The following KLF13 variants were observed in gnomAD, a reference collection of about 807,000 sequenced individuals.
KLF13 encodes the protein Krueppel-like factor 13.
In KLF13, 8 loss-of-function variants were observed where a neutral mutation model predicts 16.7. The ratio of observed to expected loss-of-function variants is 0.48; its 90% CI spans 0.28 to 0.87. The LOEUF is 0.87. Ranked by LOEUF, KLF13 falls within the 40% of genes least tolerant of loss-of-function variation. The pLI is 0.10. For synonymous variants in KLF13, 245 were observed against 208.4 expected, an observed-to-expected ratio of 1.18 and a Z score of -1.51; for missense variants, 447 against 452.2, an observed-to-expected ratio of 0.99 and a Z score of 0.10.
Position 31,423,133 on chromosome 15 carries a change from G to GTATACGTATATATACGTATA in KLF13, n.118-12227_118-12226insTATACGTATATATACGTATA, listed in dbSNP as rs1555383336. On this transcript the variant is annotated intron_variant and non_coding_transcript_variant, in intron 1 of 1. Transcript: ENST00000558225. The stretch of plus-strand genomic sequence containing the variant: ...TATACGTATATATACGTATATATAC[G>GTATACGTATATATACGTATA]TATACGTATACGTATATATACGTAT... Among the ~76,000 whole-genome samples the GTATACGTATATATACGTATA allele has an allele frequency of 2.7e-4, 26 of 95,624 alleles. 1 individual carries two copies. The highest frequency in any genetic ancestry group is 6.5e-4 in the Admixed American group (6 of 9,222). The allele number at this position is 95,624 out of a possible 152,430, so 62.7% of individuals were successfully genotyped here.
intron 1 of KLF13, among the ~76,000 whole-genome samples, chr15:31,331,784 C>G (rs148650511): frequency 6.6e-6 from 1 of 152,236 alleles, no homozygotes; most frequent in Non-Finnish European, 1.5e-5. Context: ...CACCACCAAA[C>G]CACTGTTACC....
At chr15:31,335,421 T>TTGTGTGTGTG (rs1166932948) in intron 1 of KLF13, among the ~76,000 whole-genome samples, 21 of 108,140 alleles carry the variant, frequency 1.9e-4, no homozygotes, top group Non-Finnish European at 3.0e-4. Flanking sequence ...CTGTTGGGCA[T>TTGTGTGTGTG]TGTGTGTGTG....
intron 1 of KLF13, among the ~76,000 whole-genome samples, chr15:31,342,678 T>A (rs2039047511): frequency 6.6e-6 from 1 of 152,244 alleles, no homozygotes. Flanking sequence ...TTCATGAGCT[T>A]TGGGCCATCT....
chr15:31,407,421 G>A (rs2040142637), downstream of KLF13, among the ~76,000 whole-genome samples: 1 of 152,184 alleles, frequency 6.6e-6, no homozygotes, highest in Non-Finnish European at 1.5e-5. Context: ...AGAGAAACAA[G>A]CTCAGCAGCA....
intron 1 of KLF13, among the ~76,000 whole-genome samples, chr15:31,417,295 G>A (rs149363607): frequency 1.2e-4 from 18 of 152,130 alleles, no homozygotes; most frequent in Non-Finnish European, 2.4e-4. Flanking sequence ...AGGAGTTCAA[G>A]AACAGCCTGG....
At chr15:31,347,975 AGT>A (rs2039152004) in intron 1 of KLF13, among the ~76,000 whole-genome samples, 1 of 152,236 alleles carries the variant, frequency 6.6e-6, no homozygotes, top group Admixed American at 6.5e-5. Flanking sequence ...CTCAGGCTTC[AGT>A]GTCTCCAGCC....
intron 1 of KLF13, among the ~76,000 whole-genome samples, chr15:31,385,690 T>C (rs929223650): frequency 1.3e-5 from 2 of 152,242 alleles, no homozygotes; most frequent in African/African-American, 4.8e-5. Context: ...TTCTCACTGC[T>C]CCACCAACCT....
chr15:31,340,610 C>G (rs1024390399), intron 1 of KLF13, among the ~76,000 whole-genome samples: 1 of 152,168 alleles, frequency 6.6e-6, no homozygotes, highest in Admixed American at 6.5e-5. Context: ...AGAAAAAACT[C>G]GTGCTGGGCA....
intron 1 of KLF13, among the ~76,000 whole-genome samples, chr15:31,416,111 C>T (rs530202651): frequency 3.7e-4 from 56 of 152,136 alleles, no homozygotes; most frequent in African/African-American, 1.3e-3. Context: ...ATACAAACTA[C>T]CAAAACTGAT....
chr15:31,405,629 G>T (rs2140997120), downstream of KLF13, among the ~76,000 whole-genome samples: 1 of 152,312 alleles, frequency 6.6e-6, no homozygotes, highest in East Asian at 1.9e-4. Flanking sequence ...CGGTAGTTTG[G>T]TCTTTTTGTA....
chr15:31,393,318 G>A (rs913911003), intron 1 of KLF13: 2 of 152,460 alleles, frequency 1.3e-5, no homozygotes, highest in Non-Finnish European at 2.9e-5. Flanking sequence ...TGGAGGTGAC[G>A]GAGGTGTGCT....
chr15:31,390,706 T>C (rs911572872), upstream of KLF13, among the ~76,000 whole-genome samples: 9 of 152,204 alleles, frequency 5.9e-5, no homozygotes, highest in African/African-American at 1.9e-4. Context: ...TAATCTTGTA[T>C]TGTTAATTGC....
chr15:31,357,341 T>C (rs2039315893), intron 1 of KLF13, among the ~76,000 whole-genome samples: 1 of 152,238 alleles, frequency 6.6e-6, no homozygotes, highest in African/African-American at 2.4e-5. Context: ...TCTGGGTCTC[T>C]TGCCCACCCA....
downstream of KLF13, among the ~76,000 whole-genome samples, chr15:31,380,549 G>A (rs910755144): frequency 6.6e-6 from 1 of 152,162 alleles, no homozygotes; most frequent in African/African-American, 2.4e-5. Context: ...GTCATGTTGG[G>A]GTGTGGACTG....
At chr15:31,426,976 T>C (rs2040407948) in intron 1 of KLF13, among the ~76,000 whole-genome samples, 1 of 152,144 alleles carries the variant, frequency 6.6e-6, no homozygotes, top group Admixed American at 6.5e-5. Flanking sequence ...GCCTTTGGAG[T>C]CCAGGACTTA....
chr15:31,340,598 T>A (rs547783323), intron 1 of KLF13, among the ~76,000 whole-genome samples: 1 of 152,350 alleles, frequency 6.6e-6, no homozygotes, highest in South Asian at 2.1e-4. Context: ...TTTTAGTGTT[T>A]AAGAAAAAAC....
At chr15:31,395,071 C>G (rs1234723595) in intron 2 of KLF13, among the ~76,000 whole-genome samples, 1 of 152,178 alleles carries the variant, frequency 6.6e-6, no homozygotes, top group African/African-American at 2.4e-5. Context: ...CCTCCACCTC[C>G]TGGATTCAAG....
intron 1 of KLF13, among the ~76,000 whole-genome samples, chr15:31,427,405 C>T (rs565234104): frequency 8.7e-4 from 133 of 152,086 alleles, no homozygotes; most frequent in African/African-American, 3.1e-3. Context: ...GGAACCAGTA[C>T]GGCGATTCCT....
intron 1 of KLF13, among the ~76,000 whole-genome samples, chr15:31,371,535 G>A (rs148765575): frequency 4.7e-4 from 71 of 152,376 alleles, no homozygotes; most frequent in African/African-American, 1.7e-3. Context: ...GGGTCAGAAT[G>A]GGAATTGCCT....
Sources: gnomAD v4.1 joint callset for allele counts (sites outside exome capture counted in the v4.1 genomes callset) on GRCh38, gnomAD v4.1.1 for gene constraint, MANE v1.5 for transcripts, NCBI Gene and HGNC (gene_info 2026-07-23, HGNC 2026-07-21) for gene names.